Variants in SPANXN4 observed in about 807,000 individuals in gnomAD.
SPANXN4 encodes sperm protein associated with the nucleus on the X chromosome N4.
In SPANXN4, 5 loss-of-function variants were observed where a neutral mutation model predicts 6.0. The ratio of observed to expected loss-of-function variants is 0.83; its 90% CI spans 0.44 to 1.75. The LOEUF (loss-of-function observed/expected upper bound fraction) is 1.75, where lower values mean the gene tolerates loss of function less well. Ranked by LOEUF, SPANXN4 falls within the 40% of genes most tolerant of loss-of-function variation. The probability of loss-of-function intolerance (pLI) is 0.02; values close to 1 mark genes in which losing one functional copy is unlikely to be tolerated. For missense variants in SPANXN4, 157 were observed against 108.6 expected (o/e 1.45, Z -1.98); for synonymous variants, 45 against 38.0 (o/e 1.19, Z -0.68).
intron 1 of SPANXN4, 77 bp from the exon 2 acceptor site, chrX:143,033,948 A>G (rs1247141575): frequency 1.1e-6 from 1 of 934,317 alleles, no homozygotes; most frequent in Admixed American, 3.5e-5. Flanking sequence ...CTTCTTATAA[A>G]GCCCCCCTTG....
chrX:143,028,944 C>T (rs913640837), intron 1 of SPANXN4, among the ~76,000 whole-genome samples: 4 of 111,680 alleles, frequency 3.6e-5, no homozygotes, highest in African/African-American at 1.3e-4. Context: ...AATGGTTGCG[C>T]ACGTATAAAA....
intron 1 of SPANXN4, among the ~76,000 whole-genome samples, chrX:143,029,156 G>T (rs1470060815): frequency 9.0e-6 from 1 of 111,457 alleles, no homozygotes; most frequent in Non-Finnish European, 1.9e-5. Flanking sequence ...GTTTCCCTTT[G>T]TTATGGCATC....
chrX:143,029,574 G>C (rs5954939), intron 1 of SPANXN4, among the ~76,000 whole-genome samples: 1 of 111,019 alleles, frequency 9.0e-6, no homozygotes, highest in Non-Finnish European at 1.9e-5. Context: ...TGTTGGAAGC[G>C]GGAGGAGAGG....
intron 1 of SPANXN4, among the ~76,000 whole-genome samples, chrX:143,031,504 G>T (rs1038630398): frequency 1.8e-5 from 2 of 111,496 alleles, no homozygotes; most frequent in Admixed American, 1.9e-4. Context: ...GACTTTCAGT[G>T]TTCCTTGATA....
chrX:143,038,157 C>T (rs1294440756), downstream of SPANXN4, among the ~76,000 whole-genome samples: 2 of 111,943 alleles, frequency 1.8e-5, no homozygotes, highest in Non-Finnish European at 3.8e-5. Flanking sequence ...ACTCTGATCT[C>T]TTTTTTCTTT....
In SPANXN4 at chrX:143,026,444, AGTTAGGC is replaced by A. The variant is rs745777251; in HGVS notation, c.78+354_78+360del. On this transcript the variant is annotated intron_variant, in intron 1 of 2. Transcript: ENST00000370504. ...GCCTTTATCCACCTCATGGTCAGGC[AGTTAGGC>A]GGGATTTTTCTCACGGCCAGAACTC... 9.2e-4 allele frequency among the ~76,000 whole-genome samples: 103 copies of A among 111,788 alleles called. 1 individual carries two copies. Among genetic ancestry groups the A allele is most frequent in the African/African-American group, 3.3e-3 (100 of 30,766 alleles).
At chrX:143,035,075 C>CAA (rs780134042), downstream of SPANXN4, among the ~76,000 whole-genome samples, 168 of 38,515 alleles carry the variant, frequency 4.4e-3, 2 homozygotes, top group East Asian at 0.012. Flanking sequence ...GACTCTGTCT[C>CAA]AAAAAAAAAA....
At chrX:143,029,326 G>A in intron 1 of SPANXN4, among the ~76,000 whole-genome samples, 1 of 111,603 alleles carries the variant, frequency 9.0e-6, no homozygotes, top group Non-Finnish European at 1.9e-5. Flanking sequence ...AGTGTAGGAT[G>A]TACCACGCAT....
chrX:143,026,242 G>T, intron 1 of SPANXN4, 150 bp downstream of exon 1: 1 of 471,710 alleles, frequency 2.1e-6, no homozygotes, highest in Non-Finnish European at 3.5e-6. Flanking sequence ...ATACAGGCCA[G>T]CGTACTTATA....
chrX:143,026,333 T>G (rs1256390758), intron 1 of SPANXN4, among the ~76,000 whole-genome samples: 1 of 111,447 alleles, frequency 9.0e-6, no homozygotes, highest in East Asian at 2.9e-4. Context: ...TCAGGCAGTT[T>G]GGCCCTTTTT....
At chrX:143,028,618 G>A (rs1932791199) in intron 1 of SPANXN4, among the ~76,000 whole-genome samples, 1 of 111,030 alleles carries the variant, frequency 9.0e-6, no homozygotes, top group South Asian at 3.9e-4. Context: ...TGAGTGAAGA[G>A]AATAGAAGTG....
intron 2 of SPANXN4, 143 bp downstream of exon 2, chrX:143,034,454 TG>T: frequency 4.5e-6 from 5 of 1,109,329 alleles, no homozygotes; most frequent in Non-Finnish European, 4.7e-6. Context: ...AAATAAAGAC[TG>T]GGGGAGGACT....
chrX:143,034,433 C>G (rs1288487819), intron 2 of SPANXN4, 122 bp downstream of exon 2: 3 of 1,099,901 alleles, frequency 2.7e-6, no homozygotes, highest in Non-Finnish European at 3.6e-6. Context: ...CACAGGTTAG[C>G]CAGACATTGT....
At chrX:143,029,482 G>A (rs1932796478) in intron 1 of SPANXN4, among the ~76,000 whole-genome samples, 1 of 111,313 alleles carries the variant, frequency 9.0e-6, no homozygotes, top group African/African-American at 3.3e-5. Flanking sequence ...TGGTGACGTG[G>A]ACAGCTGCTG....
At chrX:143,037,821 G>T (rs925478482), downstream of SPANXN4, among the ~76,000 whole-genome samples, 1 of 111,033 alleles carries the variant, frequency 9.0e-6, no homozygotes, top group African/African-American at 3.3e-5. Flanking sequence ...TCCTGCATTC[G>T]TTCTCCTTTC....
intron 1 of SPANXN4, among the ~76,000 whole-genome samples, chrX:143,027,326 T>C (rs909213234): frequency 8.9e-6 from 1 of 111,738 alleles, no homozygotes; most frequent in African/African-American, 3.3e-5. Flanking sequence ...CTAATAGTCA[T>C]TGCGGTCCTG....
At chrX:143,034,270 AC>A in intron 2 of SPANXN4, 1 of 1,129,955 alleles carries the variant, frequency 8.8e-7, no homozygotes, top group Non-Finnish European at 1.2e-6. Flanking sequence ...AATCATCACC[AC>A]TGATGGCGAT....
intron 1 of SPANXN4, among the ~76,000 whole-genome samples, chrX:143,031,338 A>G (rs1403653841): frequency 9.0e-6 from 1 of 111,017 alleles, no homozygotes; most frequent in Non-Finnish European, 1.9e-5. Flanking sequence ...CCTGTATCCA[A>G]TAGGAAAGAC....
chrX:143,032,871 C>T (rs1307781275), intron 1 of SPANXN4, among the ~76,000 whole-genome samples: 4 of 110,791 alleles, frequency 3.6e-5, no homozygotes, highest in Non-Finnish European at 7.6e-5. Context: ...TACCCAATTC[C>T]TCCCAGGAGA....
Sources: allele counts gnomAD v4.1 joint callset (sites outside exome capture counted in the v4.1 genomes callset), GRCh38; gene constraint gnomAD v4.1.1; transcripts MANE v1.5; gene names NCBI Gene and HGNC (gene_info 2026-07-23, HGNC 2026-07-21).